The following KCNIP4 variants were observed in gnomAD, a reference collection of about 807,000 sequenced individuals.
KCNIP4 encodes Kv channel-interacting protein 4.
In KCNIP4, 12 loss-of-function variants were observed where a neutral mutation model predicts 34.0. That is an observed-to-expected ratio of 0.35 (90% CI 0.23 to 0.57). The LOEUF (loss-of-function observed/expected upper bound fraction) is 0.57. Ranked by LOEUF, KCNIP4 falls within the 20% of genes least tolerant of loss-of-function variation. The pLI, the probability that KCNIP4 is intolerant of heterozygous loss-of-function variation, is 0.83. For missense variants in KCNIP4, 238 were observed against 311.7 expected (o/e 0.76, Z 1.78); for synonymous variants, 124 against 102.2 (o/e 1.21, Z -1.29).
At chr4:21,822,810 C>T (rs565574498) in intron 1 of KCNIP4, among the ~76,000 whole-genome samples, 18 of 151,456 alleles carry the variant, frequency 1.2e-4, no homozygotes, top group African/African-American at 3.6e-4. Flanking sequence ...CTCTGCCTTC[C>T]GGTTTCAAGA....
rs141312413 is a variant in KCNIP4, at chr4:21,082,562, T to G, written c.62-199853A>C. ...CAGACATCTGCCTTAAAGAGAAGTC[T>G]TACTTTCCACTCTATTGGATGCCAC... On this transcript the variant is annotated intron_variant, in intron 1 of 8. Transcript: ENST00000382152. Among the ~76,000 whole-genome samples, 505 of 151,898 alleles carry G rather than the reference T, an allele frequency of 3.3e-3. 13 individuals are homozygous for G. The highest frequency in any genetic ancestry group is 0.011 in the African/African-American group (462 of 41,300).
intron 3 of KCNIP4, among the ~76,000 whole-genome samples, chr4:20,789,544 G>T (rs1420648399): frequency 6.6e-6 from 1 of 152,048 alleles, no homozygotes; most frequent in African/African-American, 2.4e-5. Context: ...CCCTTGGGCA[G>T]TCCACTTCCA....
At chr4:20,805,459 C>T (rs1169820353) in intron 3 of KCNIP4, among the ~76,000 whole-genome samples, 1 of 152,028 alleles carries the variant, frequency 6.6e-6, no homozygotes, top group African/African-American at 2.4e-5. Flanking sequence ...GTTATCTCTT[C>T]ACCAGATATT....
chr4:20,900,459 A>G (rs553087701), intron 1 of KCNIP4, among the ~76,000 whole-genome samples: 5 of 152,326 alleles, frequency 3.3e-5, no homozygotes, highest in South Asian at 2.1e-4. Flanking sequence ...TGTTCAATAC[A>G]TATCTGTTTA....
At position 21,145,629 on chromosome 4, in the gene KCNIP4, A is replaced by C. The variant is rs541352836; in HGVS notation, c.62-262920T>G. 3.3e-5 allele frequency among the ~76,000 whole-genome samples: 5 copies of C among 152,274 alleles called. No homozygotes were observed. The South Asian group carries it at 8.3e-4, about 25-fold the overall frequency. The stretch of plus-strand genomic sequence containing the variant: ...AATGCAAAATTCAGAAGCTATAAAA[A>C]ATGGAGGTGAAAAGGGCCCTGATTA... On this transcript the variant is annotated intron_variant, in intron 1 of 8. Transcript: ENST00000382152.
chr4:21,138,064 G>C (rs971059546), intron 1 of KCNIP4, among the ~76,000 whole-genome samples: 1 of 151,866 alleles, frequency 6.6e-6, no homozygotes, highest in African/African-American at 2.4e-5. Flanking sequence ...TAGAGACAGG[G>C]TTTCACCATG....
intron 1 of KCNIP4, among the ~76,000 whole-genome samples, chr4:21,391,817 A>G (rs1458260596): frequency 2.0e-5 from 3 of 152,052 alleles, no homozygotes; most frequent in Non-Finnish European, 4.4e-5. Flanking sequence ...CAGCACACAT[A>G]CTGTTCCTTA....
At chr4:21,241,954 G>A (rs1759846483) in intron 1 of KCNIP4, among the ~76,000 whole-genome samples, 1 of 151,956 alleles carries the variant, frequency 6.6e-6, no homozygotes, top group African/African-American at 2.4e-5. Context: ...CATGAAGACA[G>A]AGATTGAGAC....
At chr4:21,044,757 T>C (rs904333130) in intron 1 of KCNIP4, among the ~76,000 whole-genome samples, 3 of 152,134 alleles carry the variant, frequency 2.0e-5, no homozygotes, top group Non-Finnish European at 2.9e-5. Flanking sequence ...GCCTTCTCAT[T>C]CCCATCTTTC....
chr4:20,896,047 T>A (rs535921827), intron 1 of KCNIP4, among the ~76,000 whole-genome samples: 2 of 152,334 alleles, frequency 1.3e-5, no homozygotes, highest in South Asian at 4.1e-4. Flanking sequence ...CCACTTAGAA[T>A]GTTGGATTTC....
intron 1 of KCNIP4, among the ~76,000 whole-genome samples, chr4:21,094,871 A>G (rs1747327846): frequency 1.3e-5 from 2 of 152,164 alleles, no homozygotes; most frequent in Non-Finnish European, 2.9e-5. Context: ...CACAGAGATT[A>G]AGAGCCTTGC....
At chr4:21,170,510 T>C (rs1422233730) in intron 1 of KCNIP4, among the ~76,000 whole-genome samples, 1 of 152,108 alleles carries the variant, frequency 6.6e-6, no homozygotes, top group Non-Finnish European at 1.5e-5. Flanking sequence ...ATTTTAACCA[T>C]GATCCCTGCA....
At chr4:21,361,495 A>G (rs968554081) in intron 1 of KCNIP4, among the ~76,000 whole-genome samples, 5 of 152,066 alleles carry the variant, frequency 3.3e-5, no homozygotes, top group African/African-American at 1.2e-4. Context: ...CTAAAAAAAA[A>G]ATTACTCTTA....
intron 2 of KCNIP4, among the ~76,000 whole-genome samples, chr4:20,863,787 C>T (rs1368156981): frequency 1.3e-5 from 2 of 152,012 alleles, no homozygotes; most frequent in African/African-American, 2.4e-5. Context: ...ATAATCTGTA[C>T]AACAAACCTC....
intron 1 of KCNIP4, among the ~76,000 whole-genome samples, chr4:20,897,783 G>C (rs1046562451): frequency 2.0e-5 from 3 of 152,182 alleles, no homozygotes; most frequent in Admixed American, 1.3e-4. Flanking sequence ...AGTTCTGTCA[G>C]GAGATCTGAT....
At chr4:21,101,736 A>G (rs1278206191) in intron 1 of KCNIP4, among the ~76,000 whole-genome samples, 1 of 152,198 alleles carries the variant, frequency 6.6e-6, no homozygotes, top group Non-Finnish European at 1.5e-5. Context: ...ATTTTATTGC[A>G]GTAAAGCTAT....
At chr4:21,145,416 T>C (rs1272835941) in intron 1 of KCNIP4, among the ~76,000 whole-genome samples, 3 of 152,294 alleles carry the variant, frequency 2.0e-5, no homozygotes, top group African/African-American at 7.2e-5. Flanking sequence ...AATAAAAACC[T>C]GAGGACATCT....
intron 1 of KCNIP4, among the ~76,000 whole-genome samples, chr4:21,575,408 T>C (rs1740678229): frequency 6.6e-6 from 1 of 152,174 alleles, no homozygotes; most frequent in Non-Finnish European, 1.5e-5. Context: ...TTCTGCCTAT[T>C]ATTTCTTATA....
At chr4:20,996,954 C>T (rs1202857400) in intron 1 of KCNIP4, among the ~76,000 whole-genome samples, 1 of 152,094 alleles carries the variant, frequency 6.6e-6, no homozygotes, top group Non-Finnish European at 1.5e-5. Context: ...GGGTTCTTTC[C>T]TCACGCAGGC....
Sources: allele counts gnomAD v4.1 joint callset (sites outside exome capture counted in the v4.1 genomes callset), GRCh38; gene constraint gnomAD v4.1.1; transcripts MANE v1.5; gene names NCBI Gene and HGNC (gene_info 2026-07-23, HGNC 2026-07-21).